The following NDUFAF6 variants were observed in gnomAD, a reference collection of about 807,000 sequenced individuals.
NDUFAF6 encodes NADH dehydrogenase (ubiquinone) complex I, assembly factor 6.
Under a neutral mutation model 40.8 loss-of-function variants are expected in NDUFAF6, and 45 were observed. That is an observed-to-expected ratio of 1.10 (90% CI 0.87 to 1.42). The LOEUF (loss-of-function observed/expected upper bound fraction) is 1.42, where lower values mean the gene tolerates loss of function less well. Among genes scored for constraint, NDUFAF6 ranks in the 40% most tolerant of loss-of-function variants. The pLI is 0.00. For synonymous variants in NDUFAF6, 185 were observed against 155.9 expected (o/e 1.19, Z -1.39); for missense variants, 435 against 418.5 (o/e 1.04, Z -0.34).
chr8:95,000,570 A>G (rs1473899471), intron 2 of NDUFAF6, among the ~76,000 whole-genome samples: 1 of 152,224 alleles, frequency 6.6e-6, no homozygotes, highest in African/African-American at 2.4e-5. Flanking sequence ...ATTTTAATCT[A>G]AAAGTAAAAT....
chr8:94,909,440 C>T (rs1818616689), intron 1 of NDUFAF6, among the ~76,000 whole-genome samples: 1 of 143,112 alleles, frequency 7.0e-6, no homozygotes, highest in African/African-American at 2.7e-5. Context: ...GCCTGGTCAA[C>T]ATAGTGAAAC....
downstream of NDUFAF6, among the ~76,000 whole-genome samples, chr8:95,106,408 T>G (rs190517402): frequency 4.1e-4 from 62 of 152,116 alleles, no homozygotes; most frequent in Non-Finnish European, 7.6e-4. Flanking sequence ...ATAAATGGTG[T>G]TGGGAAAACT....
At chr8:95,056,767 A>G (rs1832210899) in intron 8 of NDUFAF6, among the ~76,000 whole-genome samples, 1 of 151,910 alleles carries the variant, frequency 6.6e-6, no homozygotes, top group Non-Finnish European at 1.5e-5. Context: ...TTAGCTGGGG[A>G]TGGTGTCATG....
At chr8:95,117,004 C>T (rs1372713580), downstream of NDUFAF6, among the ~76,000 whole-genome samples, 1 of 152,152 alleles carries the variant, frequency 6.6e-6, no homozygotes, top group Non-Finnish European at 1.5e-5. Flanking sequence ...TTTCCTTGTT[C>T]ATGACAGCAA....
intron 1 of NDUFAF6, among the ~76,000 whole-genome samples, chr8:94,900,593 G>A (rs1817951565): frequency 2.0e-5 from 3 of 152,184 alleles, no homozygotes; most frequent in South Asian, 2.1e-4. Context: ...AGAAAAGTCC[G>A]GCAGTGATGG....
At chr8:95,046,851 T>A (rs749000668) in intron 5 of NDUFAF6, 143 bp from the exon 6 acceptor site, 2 of 1,079,356 alleles carry the variant, frequency 1.9e-6, no homozygotes, top group Non-Finnish European at 2.7e-6. Flanking sequence ...TGTGCCCAGT[T>A]TTTCACTCAT....
intron 1 of NDUFAF6, chr8:94,975,745 A>G (rs1824862656): frequency 6.6e-6 from 1 of 152,144 alleles, no homozygotes; most frequent in African/African-American, 2.4e-5. Flanking sequence ...TTTTCTTCCA[A>G]AAATTACATG....
intron 2 of NDUFAF6, among the ~76,000 whole-genome samples, chr8:95,007,328 A>G (rs1353035432): frequency 1.3e-5 from 2 of 152,194 alleles, no homozygotes; most frequent in East Asian, 1.9e-4. Flanking sequence ...ATTACAGCAC[A>G]ATATAGTTGT....
At chr8:95,112,797 C>T (rs1162021904) in intron 4 of NDUFAF6, among the ~76,000 whole-genome samples, 1 of 152,200 alleles carries the variant, frequency 6.6e-6, no homozygotes, top group Non-Finnish European at 1.5e-5. Flanking sequence ...TGTGACTTTG[C>T]TTTTAGCACA....
At chr8:94,913,137 A>C (rs1027046550) in intron 1 of NDUFAF6, among the ~76,000 whole-genome samples, 3 of 152,214 alleles carry the variant, frequency 2.0e-5, no homozygotes, top group African/African-American at 7.2e-5. Context: ...CAAAGGATGA[A>C]CATGTGTAAC....
intron 1 of NDUFAF6, among the ~76,000 whole-genome samples, chr8:94,900,919 A>G (rs888433488): frequency 6.6e-6 from 1 of 152,188 alleles, no homozygotes; most frequent in Admixed American, 6.5e-5. Context: ...ACAGTAAAGC[A>G]AACAATTCCT....
Position 94,918,632 on chromosome 8 carries a change from G to T in NDUFAF6, c.-936+22705G>T, listed in dbSNP as rs1460592466. On this transcript the variant is annotated intron_variant, in intron 1 of 14. Coordinates refer to the NDUFAF6 transcript ENST00000396113. ...GTAATTTGGCATTAGAGAGCACCCCGCATGGGGATACATAAGCCAGAGTGT... is the reference window on the plus strand; with the variant it reads ...GTAATTTGGCATTAGAGAGCACCCCTCATGGGGATACATAAGCCAGAGTGT... Among the ~76,000 whole-genome samples, 3 of 152,144 alleles carry T rather than the reference G, an allele frequency of 2.0e-5. No homozygotes were observed. The South Asian group carries it at 6.2e-4, about 32-fold the overall frequency.
chr8:94,915,529 A>C (rs559172617), intron 1 of NDUFAF6, among the ~76,000 whole-genome samples: 1 of 152,336 alleles, frequency 6.6e-6, no homozygotes, highest in South Asian at 2.1e-4. Flanking sequence ...TGTGATGAAC[A>C]TGCGAGTGCA....
intron 2 of NDUFAF6, among the ~76,000 whole-genome samples, chr8:95,019,854 G>C (rs910488607): frequency 6.6e-6 from 1 of 152,172 alleles, no homozygotes; most frequent in African/African-American, 2.4e-5. Flanking sequence ...TGAATTGATA[G>C]ATGACTTTCT....
chr8:95,107,128 A>G (rs1470471354), downstream of NDUFAF6, among the ~76,000 whole-genome samples: 1 of 152,206 alleles, frequency 6.6e-6, no homozygotes, highest in East Asian at 1.9e-4. Flanking sequence ...GCAACCCATT[A>G]CTGGGTATAT....
intron 9 of NDUFAF6, chr8:95,069,001 C>T (rs1303196193): frequency 6.6e-6 from 1 of 151,886 alleles, no homozygotes; most frequent in Non-Finnish European, 1.5e-5. Context: ...CTTAGTTTGC[C>T]CTCCATCCCT....
At chr8:94,994,579 A>G (rs1826337937) in intron 2 of NDUFAF6, among the ~76,000 whole-genome samples, 1 of 152,100 alleles carries the variant, frequency 6.6e-6, no homozygotes, top group African/African-American at 2.4e-5. Context: ...CATGCCTGTA[A>G]TTCCAGCACT....
chr8:94,999,460 C>T (rs1826616090), intron 2 of NDUFAF6, among the ~76,000 whole-genome samples: 2 of 149,762 alleles, frequency 1.3e-5, no homozygotes, highest in South Asian at 4.2e-4. Context: ...CTCTGTTACC[C>T]AGGCTGGGTG....
At chr8:95,057,150 T>G (rs1832278385) in intron 8 of NDUFAF6, among the ~76,000 whole-genome samples, 1 of 152,108 alleles carries the variant, frequency 6.6e-6, no homozygotes, top group Non-Finnish European at 1.5e-5. Flanking sequence ...CAAAACTAAG[T>G]GACCTGCCTG....
Sources: allele counts gnomAD v4.1 joint callset (sites outside exome capture counted in the v4.1 genomes callset), GRCh38; gene constraint gnomAD v4.1.1; transcripts MANE v1.5; gene names NCBI Gene and HGNC (gene_info 2026-07-23, HGNC 2026-07-21).